Variants in ESPL1 observed in about 807,000 individuals in gnomAD.
The protein encoded by ESPL1 is separin.
A neutral mutation model predicts 217.2 loss-of-function variants in ESPL1; 50 were observed. The observed-to-expected ratio is 0.23, with a 90% confidence interval of 0.18 to 0.29. The LOEUF is 0.29. ESPL1 is among the 10% of genes least tolerant of loss of function. The pLI is 1.00. For synonymous variants in ESPL1, 994 were observed against 1,081.3 expected (o/e 0.92, Z 1.58); for missense variants, 1,834 against 2,603.0 (o/e 0.70, Z 6.43).
chr12:53,278,496 AAAAAGTTAGCTTTAATT>A (rs1943809053), intron 11 of ESPL1, among the ~76,000 whole-genome samples: 1 of 150,692 alleles, frequency 6.6e-6, no homozygotes, highest in African/African-American at 2.4e-5. Context: ...ATTAAAAAAA[AAAAAGTTAGCTTTAATT>A]ATTAGATGAT....
chr12:53,277,727 G>T, intron 10 of ESPL1, 94 bp from the exon 11 acceptor site: 1 of 1,573,594 alleles, frequency 6.4e-7, no homozygotes, highest in Non-Finnish European at 8.7e-7. Context: ...GCAGTGGGAG[G>T]TTGGCGTAAA....
rs1202406278 is a variant in ESPL1 at position 53,289,590 on chromosome 12, C to T, written c.5109C>T (p.Pro1703=). 1.2e-6 allele frequency: 2 copies of T among 1,612,616 alleles called. No homozygotes were observed. Among genetic ancestry groups the T allele is most frequent in the African/African-American group, 1.3e-5 (1 of 74,870 alleles). Reference sequence around the variant, plus strand: ...TCCAGGAGCGCCTGGCTCTGATCCCCAGTGGTATGCGGGCAGCCTTCTGGC... The same window carrying T: ...TCCAGGAGCGCCTGGCTCTGATCCCTAGTGGTATGCGGGCAGCCTTCTGGC... The part of the protein sequence containing the change: ...ESFQERLALI[P]SGVTVCVLAL... The change falls in exon 22 of 31, where the codon CCC becomes CCT. Residue 1703 remains proline (P), a synonymous_variant. Coordinates refer to ENST00000257934, the MANE Select transcript of ESPL1 (RefSeq NM_012291.5).
Position 53,269,401 on chromosome 12 carries a change from G to A in ESPL1, c.459G>A (p.Lys153=), listed in dbSNP as rs545705703. The change falls in exon 3 of 31, where the codon AAG becomes AAA. Residue 153 remains lysine (K), a synonymous_variant. Transcript: ENST00000257934. This position sits in a 1 kb window ranked among gnomAD's most constrained non-coding sequence, Gnocchi z 6.7. ...VARGSFSLLW[K]GAEALLERRA... The stretch of plus-strand genomic sequence containing the variant: ...GGGGCAGCTTTTCTCTGCTTTGGAA[G>A]GGGGCAGAAGCCCTGTTGGAACGGC... The A allele has an allele frequency of 1.5e-5, 24 of 1,613,838 alleles. No individual in the cohort carries two copies. The highest frequency in any genetic ancestry group is 1.2e-4 in the South Asian group (11 of 91,084).
intron 17 of ESPL1, 21 bp downstream of exon 17, chr12:53,284,188 G>A (rs757703864): frequency 7.0e-7 from 1 of 1,431,970 alleles, no homozygotes; most frequent in Non-Finnish European, 9.9e-7. Flanking sequence ...ATGTCCCCAT[G>A]ACCATAGGCG....
intron 1 of ESPL1, 145 bp from the exon 2 acceptor site, chr12:53,268,610 C>T: frequency 1.7e-6 from 1 of 603,856 alleles, no homozygotes; most frequent in Non-Finnish European, 2.9e-6. Context: ...CCTTTTATAA[C>T]GGGAGCACGG....
Position 53,282,462 on chromosome 12 carries a change from C to T in ESPL1, c.2791+27C>T. 2 of 1,605,902 alleles carry T rather than the reference C, an allele frequency of 1.2e-6. No individual in the cohort carries two copies. Among genetic ancestry groups the T allele is most frequent in the South Asian group, 1.1e-5 (1 of 90,746 alleles). On this transcript the variant is annotated intron_variant, in intron 14 of 30. Transcript: ENST00000257934. The surrounding 1 kb of genome is among the most constrained non-coding windows in gnomAD (Gnocchi z 4.0). Reference sequence around the variant, plus strand: ...TGAAAGAATAGGGTGGATGGCCCCCCTTGGATGACATGTATGGTCTGTCTG... The same window carrying T: ...TGAAAGAATAGGGTGGATGGCCCCCTTTGGATGACATGTATGGTCTGTCTG...
chr12:53,281,623 G>A lies in ESPL1; in HGVS notation c.2616G>A (p.Gln872=). Residue 872 remains glutamine, a synonymous_variant, in exon 13 of 31, where the codon CAG becomes CAA. Coordinates refer to ENST00000257934, the MANE Select transcript of ESPL1 (RefSeq NM_012291.5). The part of the protein sequence containing the change: ...LLRSQLYWTH[Q]KVTKGVSLLL... ...GAAGTCAACTCTACTGGACTCACCAGAAGGTATTTCTCACTTTCTTAAACT... is the reference window on the plus strand; with the variant it reads ...GAAGTCAACTCTACTGGACTCACCAAAAGGTATTTCTCACTTTCTTAAACT... 6.2e-7 allele frequency: 1 copy of A among 1,612,784 alleles called. No homozygotes were observed. Among genetic ancestry groups the A allele is most frequent in the Middle Eastern group, 1.7e-4 (1 of 6,052 alleles).
At position 53,270,808 on chromosome 12, in the gene ESPL1, C is replaced by T. The variant is rs1943656566; in HGVS notation, c.1369+10C>T. On this transcript the variant is annotated intron_variant, in intron 5 of 30. Transcript: ENST00000257934. ...CACATGGGGATGACCGGTTAGTGCC[C>T]TGGGTCCCAGGCACAGAGTTTGTGG... 1 of 1,613,928 alleles carries T rather than the reference C, an allele frequency of 6.2e-7. No individual in the cohort carries two copies. The highest frequency in any genetic ancestry group is 1.7e-5 in the Admixed American group (1 of 59,998).
At position 53,286,025 on chromosome 12, in the gene ESPL1, G is replaced by A. The variant is rs201215189; in HGVS notation, c.3289G>A (p.Glu1097Lys). Residue 1097 changes from glutamate to lysine, a missense_variant, in exon 18 of 31, where the codon GAG becomes AAG. Around this residue, in one of 5 missense-constraint regions of ESPL1, gnomAD observed 681 missense variants for 808.0 expected, o/e 0.84. Transcript: ENST00000257934. This position sits in a 1 kb window ranked among gnomAD's most constrained non-coding sequence, Gnocchi z 5.3. Reference sequence around the variant, plus strand: ...CCCCTGTCCTCCACAGCTCCCAGAGGAGGAGCTCTTCCTAAGAGGCCCTGC... The same window carrying A: ...CCCCTGTCCTCCACAGCTCCCAGAGAAGGAGCTCTTCCTAAGAGGCCCTGC... The part of the protein sequence containing the change: ...QVPCPPQLPE[E>K]ELFLRGPALE... 2.7e-4 allele frequency: 434 copies of A among 1,606,738 alleles called. 2 individuals are homozygous for A. The highest frequency in any genetic ancestry group is 6.0e-4 in the Admixed American group (36 of 59,874).
chr12:53,283,819 A>T (rs1943903052), intron 16 of ESPL1, among the ~76,000 whole-genome samples: 1 of 152,146 alleles, frequency 6.6e-6, no homozygotes, highest in Non-Finnish European at 1.5e-5. Flanking sequence ...TTCCCACAGG[A>T]TTCTTTTATT....
Position 53,281,509 on chromosome 12 carries a change from A to C in ESPL1, c.2502A>C (p.Leu834Phe). 6.2e-7 allele frequency: 1 copy of C among 1,613,020 alleles called. No homozygotes were observed. Residue 834 changes from leucine to phenylalanine, a missense_variant and splice_region_variant, in exon 13 of 31, where the codon TTA (leucine) becomes TTC (phenylalanine). This residue lies in a region of ESPL1 where 746 missense variants were observed against 1,077.0 expected (regional missense o/e 0.69). Transcript: ENST00000257934. ...LTLGCPSYAQ[L>F]HLEEAASSLK... Reference sequence around the variant, plus strand: ...GTGCCCTCTGATTGCTTCCTTAGTTACACCTGGAAGAGGCAGCATCGAGCC... The same window carrying C: ...GTGCCCTCTGATTGCTTCCTTAGTTCCACCTGGAAGAGGCAGCATCGAGCC...
At position 53,274,875 on chromosome 12, in the gene ESPL1, A is replaced by G; in HGVS notation, c.1565A>G (p.Gln522Arg). 1 of 1,614,124 alleles carries G rather than the reference A, an allele frequency of 6.2e-7. No individual in the cohort carries two copies. Among genetic ancestry groups the G allele is most frequent in the African/African-American group, 1.3e-5 (1 of 75,058 alleles). ...ESLKKLGKQA[Q>R]GCKMVILWLA... Reference sequence around the variant, plus strand: ...TTGAAGAAACTGGGTAAACAGGCCCAGGGCTGCAAGATGGTGATTTTGTGG... The same window carrying G: ...TTGAAGAAACTGGGTAAACAGGCCCGGGGCTGCAAGATGGTGATTTTGTGG... The change falls in exon 7 of 31, where the codon CAG becomes CGG. Residue 522 changes from glutamine (Q) to arginine (R), a missense_variant. Gln to Arg is a conservative substitution (Grantham distance 43). Coordinates refer to ENST00000257934, the MANE Select transcript of ESPL1 (RefSeq NM_012291.5).
chr12:53,278,971 T>G (rs1943818109), intron 11 of ESPL1, among the ~76,000 whole-genome samples: 2 of 151,216 alleles, frequency 1.3e-5, no homozygotes, highest in Admixed American at 6.6e-5. Flanking sequence ...CACTGCAACC[T>G]CCACCTCCTG....
chr12:53,292,593 G>C lies in ESPL1; in HGVS notation c.5932G>C (p.Val1978Leu). The C allele has an allele frequency of 6.2e-7, 1 of 1,612,432 alleles. No homozygotes were observed. Among genetic ancestry groups the C allele is most frequent in the Non-Finnish European group, 8.5e-7 (1 of 1,179,966 alleles). ...NFSSEAGWRG[V>L]VGEVPRPEQV... ...CTGCAGTGAAGCTGGCTGGAGAGGA[G>C]TGGTTGGGGAGGTGCCAAGACCTGA... The change falls in exon 29 of 31, where the codon GTG becomes CTG. Residue 1978 changes from valine (V) to leucine (L), a missense_variant. By Grantham distance (32) the Val-to-Leu change is conservative (BLOSUM62 1). Coordinates refer to ENST00000257934, the MANE Select transcript of ESPL1 (RefSeq NM_012291.5). The surrounding 1 kb of genome is among the most constrained non-coding windows in gnomAD (Gnocchi z 4.5).
intron 12 of ESPL1, 28 bp from the exon 13 acceptor site, chr12:53,281,479 C>T: frequency 3.7e-6 from 6 of 1,609,036 alleles, no homozygotes; most frequent in Non-Finnish European, 5.1e-6. Flanking sequence ...GCTGCCTTTC[C>T]TCATGTGCCC....
intron 5 of ESPL1, among the ~76,000 whole-genome samples, chr12:53,271,132 T>G (rs1943664129): frequency 6.6e-6 from 1 of 150,498 alleles, no homozygotes; most frequent in South Asian, 2.1e-4. Context: ...CTTATCAGAA[T>G]CCAGAAATCA....
At chr12:53,283,027 T>G in intron 14 of ESPL1, 102 bp from the exon 15 acceptor site, 2 of 1,464,982 alleles carry the variant, frequency 1.4e-6, no homozygotes, top group Non-Finnish European at 1.9e-6. Context: ...CTGCCTGCCT[T>G]AATGCAGAAG....
rs969418986 is a variant in ESPL1 at position 53,285,781 on chromosome 12, C to T, written c.3188-143C>T. The T allele has an allele frequency of 2.6e-5, 14 of 535,744 alleles. No individual in the cohort carries two copies. In the East Asian group the frequency reaches 2.6e-4, roughly 10 times the overall value. 33.2% of individuals were successfully genotyped at this position (535,744 alleles called of 1,614,324 possible). A position where few individuals can be genotyped will look rare whatever the true frequency, so the allele number is the denominator to read the frequency against. On this transcript the variant is annotated intron_variant, in intron 17 of 30. Transcript: ENST00000257934. ...CCATACTAATATTTGATATGTTATA[C>T]AGTAATACATATATATACACACATA... is the stretch of plus-strand genomic sequence containing the variant.
intron 25 of ESPL1, 35 bp downstream of exon 25, chr12:53,291,031 A>G (rs1944048458): frequency 6.5e-7 from 1 of 1,539,044 alleles, no homozygotes; most frequent in Non-Finnish European, 8.8e-7. Flanking sequence ...GGCCAGGCCC[A>G]GTGGCTTGCA....
Sources: gnomAD v4.1 joint callset for allele counts (sites outside exome capture counted in the v4.1 genomes callset) on GRCh38, gnomAD v4.1.1 for gene constraint, gnomAD v4.1.1 regional missense constraint, Gnocchi (gnomAD v3.1) non-coding constraint, MANE v1.5 for transcripts, NCBI Gene and HGNC (gene_info 2026-07-23, HGNC 2026-07-21) for gene names.